PCDHGA12: variants seen among roughly 807,000 people sequenced by gnomAD.
PCDHGA12 encodes the protein protocadherin gamma-A12.
In PCDHGA12, 43 loss-of-function variants were observed where a neutral mutation model predicts 61.1. That is an observed-to-expected ratio of 0.70 (90% CI 0.55 to 0.91). The LOEUF (loss-of-function observed/expected upper bound fraction) is 0.91. PCDHGA12 is among the 40% of genes least tolerant of loss of function. The probability of loss-of-function intolerance (pLI) is 0.00; values close to 1 mark genes in which losing one functional copy is unlikely to be tolerated. For synonymous variants in PCDHGA12, 520 were observed against 542.9 expected, an observed-to-expected ratio of 0.96 and a Z score of 0.59; for missense variants, 1,236 against 1,227.7, an observed-to-expected ratio of 1.01 and a Z score of -0.10.
rs146372628 is a variant in PCDHGA12, at chr5:141,476,246, G to A, written c.2425-18561G>A. On this transcript the variant is annotated intron_variant, in intron 1 of 3. Coordinates refer to ENST00000252085, the MANE Select transcript of PCDHGA12 (RefSeq NM_003735.3). The surrounding 1 kb of genome is among the most constrained non-coding windows in gnomAD (Gnocchi z 7.6). ...TGAGATCCCGGAGGAAAGAGAGAAG[G>A]GTTTCGCTGTGGGCAACGTGGTCGC... 1.0e-3 allele frequency: 1,689 copies of A among 1,613,996 alleles called. 1 individual carries two copies. Among genetic ancestry groups the A allele is most frequent in the Non-Finnish European group, 1.3e-3 (1,557 of 1,180,008 alleles).
At chr5:141,470,485 GAAT>G (rs2099231720) in intron 1 of PCDHGA12, among the ~76,000 whole-genome samples, 1 of 152,074 alleles carries the variant, frequency 6.6e-6, no homozygotes, top group Admixed American at 6.6e-5. Context: ...AACCCTCTGG[GAAT>G]AATATTAGGT....
chr5:141,430,716 G>T lies in PCDHGA12; in HGVS notation c.-44G>T, dbSNP rs1327065498. 1.3e-6 allele frequency: 2 copies of T among 1,487,962 alleles called. No homozygotes were observed. The highest frequency in any genetic ancestry group is 2.8e-5 in the African/African-American group (2 of 71,018). The allele number at this position is 1,487,962 out of a possible 1,614,324, so 92.2% of individuals were successfully genotyped here. On this transcript the variant is annotated 5_prime_UTR_variant, in exon 1 of 4. Coordinates refer to ENST00000252085, the MANE Select transcript of PCDHGA12 (RefSeq NM_003735.3). ...GGCGAAGGAACTGCTCCTGACTTCAGTGGTTAAGGGCAGAATTGAAAATAA... is the reference window on the plus strand; with the variant it reads ...GGCGAAGGAACTGCTCCTGACTTCATTGGTTAAGGGCAGAATTGAAAATAA...
intron 1 of PCDHGA12, among the ~76,000 whole-genome samples, chr5:141,463,570 T>A (rs557041487): frequency 2.7e-5 from 4 of 146,586 alleles, no homozygotes; most frequent in Middle Eastern, 3.5e-3. Context: ...TGCCTCAGCC[T>A]CCCGAGTAGC....
Position 141,433,362 on chromosome 5 carries a change from T to G in PCDHGA12, c.2424+179T>G, listed in dbSNP as rs1285511534. ...GTGCAAGCCACCTACTGTCTGCCTA[T>G]CTATCTATCTATCTATCTATCTATC... On this transcript the variant is annotated intron_variant, in intron 1 of 3. Transcript: ENST00000252085. 4 of 299,814 alleles carry G rather than the reference T, an allele frequency of 1.3e-5. No individual in the cohort carries two copies. In the East Asian group the frequency reaches 1.8e-4, roughly 14 times the overall value. 18.6% of individuals were successfully genotyped at this position (299,814 alleles called of 1,614,324 possible). A position where few individuals can be genotyped will look rare whatever the true frequency, so the allele number is the denominator to read the frequency against.
At position 141,511,140 on chromosome 5, in the gene PCDHGA12, C is replaced by G. The variant is rs1405623579; in HGVS notation, c.2766C>G (p.Asn922Lys). Residue 922 changes from asparagine (N) to lysine (K), a missense_variant, in exon 4 of 4, where the codon AAC becomes AAG. Physicochemically the swap from Asn to Lys is moderately conservative, Grantham distance 94. Transcript: ENST00000252085. ...AGGCCCCAGCAGGTGGCAATGGCAACAAGAAGAAGTCGGGCAAGAAGGAGA... is the reference window on the plus strand; with the variant it reads ...AGGCCCCAGCAGGTGGCAATGGCAAGAAGAAGAAGTCGGGCAAGAAGGAGA... Reference protein sequence around the residue: ...DGKAPAGGNGNKKKSGKKEKK With the variant: ...DGKAPAGGNGKKKKSGKKEKK 2.5e-6 allele frequency: 4 copies of G among 1,614,068 alleles called. No homozygotes were observed. Among genetic ancestry groups the G allele is most frequent in the Admixed American group, 1.7e-5 (1 of 60,008 alleles).
chr5:141,438,597 T>C (rs1343540280), intron 1 of PCDHGA12, among the ~76,000 whole-genome samples: 20 of 38,918 alleles, frequency 5.1e-4, no homozygotes, highest in African/African-American at 1.6e-3. Flanking sequence ...CATACATATA[T>C]ATATATATAT....
rs1245731818 is a variant in PCDHGA12, at chr5:141,476,700, A to C, written c.2425-18107A>C. 1 of 1,614,096 alleles carries C rather than the reference A, an allele frequency of 6.2e-7. No homozygotes were observed. Among genetic ancestry groups the C allele is most frequent in the Non-Finnish European group, 8.5e-7 (1 of 1,180,016 alleles). On this transcript the variant is annotated intron_variant, in intron 1 of 3. Coordinates refer to ENST00000252085, the MANE Select transcript of PCDHGA12 (RefSeq NM_003735.3). This position sits in a 1 kb window ranked among gnomAD's most constrained non-coding sequence, Gnocchi z 7.6. Reference sequence around the variant, plus strand: ...CGGGAGGACAGCACCAAGTACGCGGAGCTGGTGTTGGAGCGCGCCCTGGAC... The same window carrying C: ...CGGGAGGACAGCACCAAGTACGCGGCGCTGGTGTTGGAGCGCGCCCTGGAC...
In PCDHGA12 at chr5:141,477,125, A is replaced by G; in HGVS notation, c.2425-17682A>G. The G allele has an allele frequency of 2.5e-6, 4 of 1,614,212 alleles. No individual in the cohort carries two copies. The highest frequency in any genetic ancestry group is 3.4e-6 in the Non-Finnish European group (4 of 1,180,036). On this transcript the variant is annotated intron_variant, in intron 1 of 3. Transcript: ENST00000252085. This position sits in a 1 kb window ranked among gnomAD's most constrained non-coding sequence, Gnocchi z 4.9. ...CGCCAATCCCGAAGGAGCACATTGC[A>G]AAGTGTTGGTGGAGGTTGTGGATGT...
At chr5:141,492,242 C>G (rs2099738685) in intron 1 of PCDHGA12, among the ~76,000 whole-genome samples, 1 of 152,190 alleles carries the variant, frequency 6.6e-6, no homozygotes, top group Admixed American at 6.5e-5. Flanking sequence ...GCTGGCCACC[C>G]CCACGGCCCA....
At chr5:141,466,765 G>A (rs1199343616) in intron 1 of PCDHGA12, among the ~76,000 whole-genome samples, 1 of 151,996 alleles carries the variant, frequency 6.6e-6, no homozygotes, top group African/African-American at 2.4e-5. Context: ...TTTTCAAACT[G>A]TTATCTTATT....
chr5:141,497,858 C>T (rs920483410), intron 2 of PCDHGA12, among the ~76,000 whole-genome samples: 3 of 152,218 alleles, frequency 2.0e-5, no homozygotes, highest in Non-Finnish European at 2.9e-5. Flanking sequence ...TTTGATTCAG[C>T]GGCTCCAAAG....
rs138616951 is a variant in PCDHGA12, at chr5:141,490,312, C to T, written c.2425-4495C>T. On this transcript the variant is annotated intron_variant, in intron 1 of 3. Transcript: ENST00000252085. The surrounding 1 kb of genome is among the most constrained non-coding windows in gnomAD (Gnocchi z 5.4). ...GGTGCTATTGGCCTCTTTGGCCAAC[C>T]CTGTCCTAGAGAGCACACCAGTGGG... 67 of 1,614,050 alleles carry T rather than the reference C, an allele frequency of 4.2e-5. No individual in the cohort carries two copies. The highest frequency in any genetic ancestry group is 5.3e-5 in the Non-Finnish European group (63 of 1,180,008).
Position 141,485,814 on chromosome 5 carries a change from C to T in PCDHGA12, c.2425-8993C>T, listed in dbSNP as rs2099619616. 7.4e-6 allele frequency: 12 copies of T among 1,613,982 alleles called. No individual in the cohort carries two copies. The East Asian group carries it at 2.2e-4, about 30-fold the overall frequency. On this transcript the variant is annotated intron_variant, in intron 1 of 3. Coordinates refer to ENST00000252085, the MANE Select transcript of PCDHGA12 (RefSeq NM_003735.3). This position sits in a 1 kb window ranked among gnomAD's most constrained non-coding sequence, Gnocchi z 5.7. ...TCGGACTACCGCCTGGTGCTGACTG[C>T]TGTCGATGGAGGGAACCCGCCGAGA...
intron 1 of PCDHGA12, among the ~76,000 whole-genome samples, chr5:141,453,288 ATTATTTATTTAT>A (rs577328880): frequency 6.6e-6 from 1 of 151,342 alleles, no homozygotes; most frequent in African/African-American, 2.4e-5. Context: ...TAATTTTTTA[ATTATTTATTTAT>A]TTATTTATTT....
chr5:141,481,901 G>A (rs1297925755), intron 1 of PCDHGA12, among the ~76,000 whole-genome samples: 2 of 125,298 alleles, frequency 1.6e-5, no homozygotes, highest in Non-Finnish European at 3.2e-5. Context: ...GTGAAAGAGC[G>A]AAACTCCATC....
intron 3 of PCDHGA12, among the ~76,000 whole-genome samples, chr5:141,509,437 C>T (rs923580110): frequency 2.6e-5 from 4 of 152,104 alleles, no homozygotes; most frequent in African/African-American, 9.7e-5. Context: ...ACTCTTGTTT[C>T]CTCCTCTCCC....
In PCDHGA12 at chr5:141,487,747, CTA is replaced by C. The variant is rs2099663990; in HGVS notation, c.2425-7058_2425-7057del. 1 of 1,558,062 alleles carries C rather than the reference CTA, an allele frequency of 6.4e-7. No individual in the cohort carries two copies. The highest frequency in any genetic ancestry group is 2.4e-5 in the East Asian group (1 of 41,708). On this transcript the variant is annotated intron_variant, in intron 1 of 3. Coordinates refer to ENST00000252085, the MANE Select transcript of PCDHGA12 (RefSeq NM_003735.3). This position sits in a 1 kb window ranked among gnomAD's most constrained non-coding sequence, Gnocchi z 5.0. ...ATGTCACCATTTTTGTAAGAGGTAA[CTA>C]TGTGGTAGACGCTGTGCTTTGTAAC... is the stretch of plus-strand genomic sequence containing the variant.
chr5:141,446,222 G>C (rs74509878), intron 1 of PCDHGA12, among the ~76,000 whole-genome samples: 7,034 of 152,204 alleles, frequency 0.046, 244 homozygotes, highest in African/African-American at 0.093. Flanking sequence ...ATATTGTTGT[G>C]TTGCCTGGCA....
rs1310725827 is a variant in PCDHGA12, at chr5:141,500,934, T to C, written c.2484-4459T>C. The stretch of plus-strand genomic sequence containing the variant: ...TCCAGGCTGGGGTGCAGTGGCGCCA[T>C]CTCGGCTCACTGCAAGCTCCACCTC... On this transcript the variant is annotated intron_variant, in intron 2 of 3. Transcript: ENST00000252085. 5.9e-5 allele frequency among the ~76,000 whole-genome samples: 9 copies of C among 151,906 alleles called. 1 individual carries two copies. Among genetic ancestry groups the C allele is most frequent in the Non-Finnish European group, 1.3e-4 (9 of 68,020 alleles).
Sources: allele counts gnomAD v4.1 joint callset (sites outside exome capture counted in the v4.1 genomes callset), GRCh38; gene constraint gnomAD v4.1.1; non-coding constraint Gnocchi (gnomAD v3.1); transcripts MANE v1.5; gene names NCBI Gene and HGNC (gene_info 2026-07-23, HGNC 2026-07-21).